The following ASPH variants were observed in gnomAD, a reference collection of about 807,000 sequenced individuals.
The protein encoded by ASPH is aspartyl/asparaginyl beta-hydroxylase.
Under a neutral mutation model 118.4 loss-of-function variants are expected in ASPH, and 100 were observed. The ratio of observed to expected loss-of-function variants is 0.84; its 90% CI spans 0.72 to 1.00. The LOEUF is 1.00. ASPH is among the 50% of genes least tolerant of loss of function. ASPH has a pLI of 0.00. For synonymous variants in ASPH, 315 were observed against 325.6 expected (o/e 0.97, Z 0.35); for missense variants, 920 against 919.5 (o/e 1.00, Z -0.01).
At chr8:61,562,353 T>C (rs1830227328) in intron 18 of ASPH, among the ~76,000 whole-genome samples, 1 of 105,924 alleles carries the variant, frequency 9.4e-6, no homozygotes. Flanking sequence ...AGACCATACT[T>C]CTGCCAAAAA....
chr8:61,685,838 T>C (rs1167832638), intron 1 of ASPH, among the ~76,000 whole-genome samples: 1 of 151,720 alleles, frequency 6.6e-6, no homozygotes, highest in Non-Finnish European at 1.5e-5. Flanking sequence ...ACCCAGGCTG[T>C]AGTGCACTAG....
chr8:61,525,708 A>C (rs1815061400), intron 22 of ASPH, among the ~76,000 whole-genome samples: 1 of 152,222 alleles, frequency 6.6e-6, no homozygotes, highest in African/African-American at 2.4e-5. Context: ...AACAGGAAAG[A>C]CCAGAAAAAT....
chr8:61,520,742 C>T (rs1180436063), intron 22 of ASPH, among the ~76,000 whole-genome samples: 1 of 152,148 alleles, frequency 6.6e-6, no homozygotes, highest in Non-Finnish European at 1.5e-5. Flanking sequence ...TCTGTGCTGT[C>T]CAGGCAGCAG....
chr8:61,685,915 C>A (rs1830330127), intron 1 of ASPH, among the ~76,000 whole-genome samples: 1 of 151,828 alleles, frequency 6.6e-6, no homozygotes, highest in Non-Finnish European at 1.5e-5. Context: ...ATTACAGGCA[C>A]CTGCCACCAC....
intron 7 of ASPH, 71 bp from the exon 8 acceptor site, chr8:61,644,072 G>A: frequency 8.5e-7 from 1 of 1,178,224 alleles, no homozygotes; most frequent in South Asian, 1.3e-5. Context: ...AAACCAGAAA[G>A]ACACAATTTC....
At chr8:61,564,788 C>T (rs75567001) in intron 17 of ASPH, among the ~76,000 whole-genome samples, 3,759 of 152,310 alleles carry the variant, frequency 0.025, 113 homozygotes, top group African/African-American at 0.067. Flanking sequence ...TTTTATTTAT[C>T]TACAAAAGTG....
intron 24 of ASPH, among the ~76,000 whole-genome samples, chr8:61,506,839 T>C (rs1336856324): frequency 1.3e-5 from 2 of 152,220 alleles, no homozygotes; most frequent in Non-Finnish European, 2.9e-5. Flanking sequence ...CTCTTTATGA[T>C]GTTGTCTGCC....
chr8:61,576,663 T>C (rs1835255738), intron 16 of ASPH, 109 bp downstream of exon 16: 1 of 924,516 alleles, frequency 1.1e-6, no homozygotes, highest in African/African-American at 1.6e-5. Flanking sequence ...CATGAGAAAC[T>C]GATTCTGTAG....
chr8:61,676,252 C>T, intron 3 of ASPH: 2 of 1,593,172 alleles, frequency 1.3e-6, no homozygotes, highest in South Asian at 2.2e-5. Flanking sequence ...CTGAACTTTC[C>T]TCTGCTAAAA....
chr8:61,635,187 A>C (rs1359600781), intron 12 of ASPH, among the ~76,000 whole-genome samples: 6 of 152,112 alleles, frequency 3.9e-5, no homozygotes, highest in Non-Finnish European at 7.4e-5. Context: ...TTCCTGGGCC[A>C]CTCAACAACA....
chr8:61,646,870 C>T lies in ASPH; in HGVS notation c.499G>A (p.Glu167Lys), dbSNP rs1293560634. Reference sequence around the variant, plus strand: ...GGTCCATCTTCTTGTTGCAAGTCTTCTCCCTCAACTATGACAATGAACAAA... The same window carrying T: ...GGTCCATCTTCTTGTTGCAAGTCTTTTCCCTCAACTATGACAATGAACAAA... The part of the protein sequence containing the change: ...EMVHAEHVEG[E>K]DLQQEDGPTG... The change falls in exon 6 of 25, where the codon GAA becomes AAA. Residue 167 changes from glutamate (E) to lysine (K), a missense_variant. Transcript: ENST00000379454. The T allele has an allele frequency of 2.5e-6, 4 of 1,613,876 alleles. No homozygotes were observed. The highest frequency in any genetic ancestry group is 8.5e-7 in the Non-Finnish European group (1 of 1,179,860).
intron 12 of ASPH, among the ~76,000 whole-genome samples, chr8:61,635,775 C>T (rs1211918165): frequency 6.6e-6 from 1 of 152,036 alleles, no homozygotes; most frequent in African/African-American, 2.4e-5. Context: ...CAACACTTTC[C>T]CCTCCATTCC....
intron 16 of ASPH, among the ~76,000 whole-genome samples, chr8:61,573,811 A>G (rs1284573723): frequency 6.6e-6 from 1 of 152,222 alleles, no homozygotes; most frequent in Non-Finnish European, 1.5e-5. Context: ...TGACTAAGAC[A>G]CCAAAAGCAA....
chr8:61,547,195 C>A (rs1023200440), intron 21 of ASPH, among the ~76,000 whole-genome samples: 1 of 152,172 alleles, frequency 6.6e-6, no homozygotes, highest in African/African-American at 2.4e-5. Context: ...CAGTCCCTAC[C>A]AAAGTCACCA....
intron 13 of ASPH, chr8:61,623,872 G>A (rs1384270302): frequency 6.6e-6 from 1 of 152,172 alleles, no homozygotes; most frequent in African/African-American, 2.4e-5. Context: ...AAACAACATG[G>A]ATGGAACTGG....
intron 13 of ASPH, chr8:61,625,601 A>C (rs1196039411): frequency 1.0e-6 from 1 of 982,008 alleles, no homozygotes; most frequent in Non-Finnish European, 1.2e-6. Context: ...CTCTCATTTA[A>C]AAAAATAAAT....
At chr8:61,512,928 G>A (rs894165671) in intron 24 of ASPH, among the ~76,000 whole-genome samples, 1 of 152,168 alleles carries the variant, frequency 6.6e-6, no homozygotes, top group African/African-American at 2.4e-5. Context: ...TACAAATTAT[G>A]TGTGAGGGAC....
At chr8:61,553,926 T>A (rs1385801365) in intron 19 of ASPH, among the ~76,000 whole-genome samples, 1 of 152,220 alleles carries the variant, frequency 6.6e-6, no homozygotes, top group Non-Finnish European at 1.5e-5. Flanking sequence ...GAAATTGTAT[T>A]TACATAATGT....
At chr8:61,582,934 TAATA>T (rs1176917306) in intron 15 of ASPH, 3 of 152,210 alleles carry the variant, frequency 2.0e-5, no homozygotes, top group Non-Finnish European at 4.4e-5. Flanking sequence ...AAATACATTA[TAATA>T]AATATTTTTG....
Sources: allele counts gnomAD v4.1 joint callset (sites outside exome capture counted in the v4.1 genomes callset), GRCh38; gene constraint gnomAD v4.1.1; transcripts MANE v1.5; gene names NCBI Gene and HGNC (gene_info 2026-07-23, HGNC 2026-07-21).